NCOA2: variants seen among roughly 807,000 people sequenced by gnomAD.
The protein encoded by NCOA2 is class E basic helix-loop-helix protein 75.
A neutral mutation model predicts 145.1 loss-of-function variants in NCOA2; 21 were observed. The ratio of observed to expected loss-of-function variants is 0.14; its 90% CI spans 0.10 to 0.21. The LOEUF is 0.21. Ranked by LOEUF, NCOA2 falls within the 10% of genes least tolerant of loss-of-function variation. NCOA2 has a pLI of 1.00. For synonymous variants in NCOA2, 619 were observed against 637.5 expected (o/e 0.97, Z 0.44); for missense variants, 1,472 against 1,837.6 (o/e 0.80, Z 3.64).
chr8:70,385,952 T>C lies in NCOA2; in HGVS notation c.-77+17748A>G, dbSNP rs117869159. ...TACACAAAACACACATTAGTTACTT[T>C]AGTGCACGGTTTTCTTCTCTTTCTG... On this transcript the variant is annotated intron_variant, in intron 1 of 22. Coordinates refer to ENST00000452400, the MANE Select transcript of NCOA2 (RefSeq NM_006540.4). Among the ~76,000 whole-genome samples the C allele has an allele frequency of 5.8e-4, 88 of 152,368 alleles. No individual in the cohort carries two copies. In the East Asian group the frequency reaches 0.016, roughly 28 times the overall value.
At chr8:70,147,259 A>T (rs1272191190) in intron 12 of NCOA2, among the ~76,000 whole-genome samples, 1 of 152,030 alleles carries the variant, frequency 6.6e-6, no homozygotes, top group African/African-American at 2.4e-5. Context: ...CGGCCTCCCG[A>T]GTAGCTGGAA....
chr8:70,260,577 A>C (rs1309520978), intron 2 of NCOA2, among the ~76,000 whole-genome samples: 2 of 152,218 alleles, frequency 1.3e-5, no homozygotes, highest in African/African-American at 4.8e-5. Context: ...CACATACCTA[A>C]CCATTTGCTT....
At chr8:70,441,793 AAAGAAAGAAAGAAAGAAAGAAAG>A in the NCOA2 span, among the ~76,000 whole-genome samples, 1 of 16,804 alleles carries the variant, frequency 6.0e-5, no homozygotes, top group African/African-American at 1.0e-4. Context: ...AGAAAGAAAG[AAAGAAAGAAAGAAAGAAAGAAAG>A]AAGAAAGAAG....
At chr8:70,448,241 T>A in the NCOA2 span, among the ~76,000 whole-genome samples, 1 of 152,198 alleles carries the variant, frequency 6.6e-6, no homozygotes, top group Non-Finnish European at 1.5e-5. Flanking sequence ...GTTTTATTGA[T>A]CTTTGTAGGG....
chr8:70,210,524 G>A (rs747171840), intron 4 of NCOA2, among the ~76,000 whole-genome samples: 4 of 152,122 alleles, frequency 2.6e-5, no homozygotes, highest in African/African-American at 9.7e-5. Context: ...GAGGGCTAGC[G>A]TTTATGAAAC....
chr8:70,253,370 C>T (rs1407101841), intron 2 of NCOA2, among the ~76,000 whole-genome samples: 3 of 152,066 alleles, frequency 2.0e-5, no homozygotes, highest in African/African-American at 7.2e-5. Flanking sequence ...AACAAAATCC[C>T]TGCCCTCCAG....
chr8:70,359,710 A>G (rs1810041701), intron 1 of NCOA2, among the ~76,000 whole-genome samples: 1 of 152,182 alleles, frequency 6.6e-6, no homozygotes, highest in Non-Finnish European at 1.5e-5. Flanking sequence ...GGTTAAGTCT[A>G]TATTATTAAC....
intron 1 of NCOA2, among the ~76,000 whole-genome samples, chr8:70,336,685 A>G (rs1055562880): frequency 6.6e-6 from 1 of 152,112 alleles, no homozygotes; most frequent in Admixed American, 6.5e-5. Flanking sequence ...CTCACTCACT[A>G]TGACAAGAAC....
chr8:70,212,108 G>T (rs1273852661), intron 4 of NCOA2, among the ~76,000 whole-genome samples: 1 of 145,960 alleles, frequency 6.9e-6, no homozygotes, highest in African/African-American at 2.6e-5. Flanking sequence ...TATTTGTTTT[G>T]AAATGTAGAA....
chr8:70,362,607 C>G (rs1046124062), intron 1 of NCOA2, among the ~76,000 whole-genome samples: 4 of 152,136 alleles, frequency 2.6e-5, no homozygotes, highest in African/African-American at 9.7e-5. Context: ...ACATATCCCA[C>G]TATACACCTA....
chr8:70,332,391 C>A (rs891924923), intron 1 of NCOA2, among the ~76,000 whole-genome samples: 7 of 152,118 alleles, frequency 4.6e-5, no homozygotes, highest in Non-Finnish European at 1.0e-4. Context: ...TTCCACAATA[C>A]TACAATATAT....
the NCOA2 span, among the ~76,000 whole-genome samples, chr8:70,448,918 C>T: frequency 2.0e-5 from 3 of 151,970 alleles, no homozygotes; most frequent in Non-Finnish European, 2.9e-5. Flanking sequence ...GACCCTCCCA[C>T]CTTAGTCTCC....
intron 1 of NCOA2, among the ~76,000 whole-genome samples, chr8:70,377,087 G>C (rs114113105): frequency 0.012 from 1,738 of 149,774 alleles, 48 homozygotes; most frequent in African/African-American, 0.041. Context: ...TATACACTAA[G>C]ACTATGATCA....
At chr8:70,335,818 C>A (rs549454315) in intron 1 of NCOA2, among the ~76,000 whole-genome samples, 70 of 152,152 alleles carry the variant, frequency 4.6e-4, no homozygotes, top group African/African-American at 1.6e-3. Context: ...TGCTACACAC[C>A]GAGGCTATAT....
intron 2 of NCOA2, among the ~76,000 whole-genome samples, chr8:70,288,821 A>AT (rs1203956861): frequency 6.6e-6 from 1 of 152,246 alleles, no homozygotes; most frequent in African/African-American, 2.4e-5. Flanking sequence ...ACAAGTGCAA[A>AT]TAGTTTATGT....
At chr8:70,178,353 TA>T (rs1158516134) in intron 4 of NCOA2, among the ~76,000 whole-genome samples, 5 of 152,228 alleles carry the variant, frequency 3.3e-5, no homozygotes, top group Non-Finnish European at 7.3e-5. Context: ...AAAGCCTGGA[TA>T]AAAATAATTA....
chr8:70,175,509 G>A (rs912607891), intron 4 of NCOA2, among the ~76,000 whole-genome samples: 2 of 152,368 alleles, frequency 1.3e-5, no homozygotes, highest in Middle Eastern at 6.8e-3. Context: ...CGCGTAGCGT[G>A]CGCTCCTGGA....
intron 13 of NCOA2, among the ~76,000 whole-genome samples, chr8:70,143,380 C>T (rs1305561141): frequency 6.6e-6 from 1 of 152,194 alleles, no homozygotes; most frequent in Admixed American, 6.5e-5. Context: ...TACAAGAACT[C>T]ATATCTTCTT....
rs774452015 is a variant in NCOA2, at chr8:70,126,897, C to T, written c.3832G>A (p.Ala1278Thr). 2 of 1,613,834 alleles carry T rather than the reference C, an allele frequency of 1.2e-6. No homozygotes were observed. Among genetic ancestry groups the T allele is most frequent in the African/African-American group, 2.7e-5 (2 of 74,910 alleles). ...QGLNMTPSMV[A>T]PSGMPATMSN... ...ATAGTTGCTGGCATACCACTAGGAG[C>T]CACCATGCTTGGTGTCATATTCAAC... Residue 1278 changes from alanine to threonine, a missense_variant, in exon 19 of 23, where the codon GCT (alanine) becomes ACT (threonine). Physicochemically the swap from Ala to Thr is moderately conservative, Grantham distance 58 (BLOSUM62 0). Coordinates refer to ENST00000452400, the MANE Select transcript of NCOA2 (RefSeq NM_006540.4).
Sources: gnomAD v4.1 joint callset for allele counts (sites outside exome capture counted in the v4.1 genomes callset) on GRCh38, gnomAD v4.1.1 for gene constraint, MANE v1.5 for transcripts, NCBI Gene and HGNC (gene_info 2026-07-23, HGNC 2026-07-21) for gene names.